Variants in ZNF699 observed in about 807,000 individuals in gnomAD.
ZNF699 encodes zinc finger protein 699, also known as hangover homolog.
Under a neutral mutation model 22.5 loss-of-function variants are expected in ZNF699, and 18 were observed. That is an observed-to-expected ratio of 0.80 (90% CI 0.55 to 1.19). ZNF699 has a LOEUF of 1.19. ZNF699 is among the 50% of genes most tolerant of loss of function. ZNF699 has a pLI of 0.00. For synonymous variants in ZNF699, 241 were observed against 262.3 expected (o/e 0.92, Z 0.78); for missense variants, 670 against 763.4 (o/e 0.88, Z 1.44).
At chr19:9,305,901 A>G (rs1257093460) in intron 1 of ZNF699, among the ~76,000 whole-genome samples, 1 of 151,586 alleles carries the variant, frequency 6.6e-6, no homozygotes, top group Admixed American at 6.6e-5. Flanking sequence ...ACGGTGTTTC[A>G]CCGTGTTAGC....
At chr19:9,305,852 C>T (rs919988326) in intron 1 of ZNF699, among the ~76,000 whole-genome samples, 12 of 152,066 alleles carry the variant, frequency 7.9e-5, no homozygotes, top group African/African-American at 2.7e-4. Context: ...CAGGTGCACA[C>T]CACCATGCCT....
Position 9,295,323 on chromosome 19 carries a change from A to T in ZNF699, c.*152T>A. 1.0e-6 allele frequency: 1 copy of T among 954,620 alleles called. No individual in the cohort carries two copies. The highest frequency in any genetic ancestry group is 1.6e-6 in the Non-Finnish European group (1 of 644,256). 59.1% of individuals were successfully genotyped at this position (954,620 alleles called of 1,614,324 possible). ...ATAAAGGCTTTAGCACATGACTTAC[A>T]TACACAGGGTTTCTCTAAAGTGTCC... On this transcript the variant is annotated 3_prime_UTR_variant, in exon 6 of 6. Coordinates refer to ENST00000591998, the MANE Select transcript of ZNF699 (RefSeq NM_198535.3).
In ZNF699 at chr19:9,295,678, C is replaced by T. The variant is rs373539073; in HGVS notation, c.1726G>A (p.Val576Ile). The T allele has an allele frequency of 6.2e-7, 1 of 1,613,818 alleles. No homozygotes were observed. Among genetic ancestry groups the T allele is most frequent in the Non-Finnish European group, 8.5e-7 (1 of 1,180,000 alleles). ...TCTCCAGTGTGCATTCTTGCATGTA[C>T]AGTAAGGTATGAAGAATGACGAAAT... ...KAFRHSSYLT[V>I]HARMHTGEKP... Residue 576 changes from valine (V) to isoleucine (I), a missense_variant, in exon 6 of 6, where the codon GTA becomes ATA. Val to Ile is a conservative substitution (Grantham distance 29). Coordinates refer to ENST00000591998, the MANE Select transcript of ZNF699 (RefSeq NM_198535.3).
rs1401301045 is a variant in ZNF699, at chr19:9,292,711, A to G, written c.*2764T>C. 6.6e-6 allele frequency among the ~76,000 whole-genome samples: 1 copy of G among 152,036 alleles called. No individual in the cohort carries two copies. ...TATGTATATATAATATACATATTTT[A>G]TGTATATATGTAATATATGATACAT... On this transcript the variant is annotated 3_prime_UTR_variant, in exon 6 of 6. Transcript: ENST00000591998.
chr19:9,300,938 T>C (rs1210951164), intron 3 of ZNF699, among the ~76,000 whole-genome samples: 2 of 152,338 alleles, frequency 1.3e-5, no homozygotes, highest in South Asian at 4.1e-4. Flanking sequence ...ATGTAAATGA[T>C]GGACTCTGGG....
chr19:9,302,663 T>C (rs1447276966), intron 2 of ZNF699, among the ~76,000 whole-genome samples, 159 bp from the exon 3 acceptor site: 2 of 152,200 alleles, frequency 1.3e-5, no homozygotes, highest in Non-Finnish European at 2.9e-5. Flanking sequence ...AATCTCTCTC[T>C]CTTTCTATCC....
rs2066271208 is a variant in ZNF699, at chr19:9,293,142, A to AG, written c.*2332_*2333insC. Among the ~76,000 whole-genome samples the AG allele has an allele frequency of 1.3e-5, 2 of 151,704 alleles. No individual in the cohort carries two copies. Among genetic ancestry groups the AG allele is most frequent in the Non-Finnish European group, 1.5e-5 (1 of 67,982 alleles). ...AGAGTCCGTCTCAAAAAAAAAAAAAAAGAAAAGAAATCATAAATGGATGAA... is the reference window on the plus strand; with the variant it reads ...AGAGTCCGTCTCAAAAAAAAAAAAAAGAGAAAAGAAATCATAAATGGATGAA... On this transcript the variant is annotated 3_prime_UTR_variant, in exon 6 of 6. Coordinates refer to ENST00000591998, the MANE Select transcript of ZNF699 (RefSeq NM_198535.3).
rs761068949 is a variant in ZNF699 at position 9,296,465 on chromosome 19, C to A, written c.939G>T (p.Gly313=). ...GDKPYECKEC[G]KAFSCSSSLS... is the part of the protein sequence containing the mutation. ...GTGAGGAGGAACAACTGAAGGCCTT[C>A]CCACATTCCTTACATTCATAAGGCT... The change falls in exon 6 of 6, where the codon GGG becomes GGT. Residue 313 remains glycine, a synonymous_variant. Coordinates refer to ENST00000591998, the MANE Select transcript of ZNF699 (RefSeq NM_198535.3). 6.2e-7 allele frequency: 1 copy of A among 1,614,080 alleles called. No individual in the cohort carries two copies. Among genetic ancestry groups the A allele is most frequent in the South Asian group, 1.1e-5 (1 of 91,078 alleles).
intron 3 of ZNF699, among the ~76,000 whole-genome samples, chr19:9,301,960 T>C (rs1214873502): frequency 6.6e-6 from 1 of 151,394 alleles, no homozygotes; most frequent in African/African-American, 2.4e-5. Flanking sequence ...TGGAGTGCAA[T>C]GGAGCGATCT....
chr19:9,305,480 G>C (rs891056315), intron 1 of ZNF699, among the ~76,000 whole-genome samples: 4 of 152,130 alleles, frequency 2.6e-5, no homozygotes, highest in Non-Finnish European at 5.9e-5. Context: ...ATAACAAAAA[G>C]TATAAAATGT....
chr19:9,302,936 G>GGGAGGATTGCTTGAGCCACAAGGT (rs1260136023), intron 2 of ZNF699, among the ~76,000 whole-genome samples: 7 of 152,056 alleles, frequency 4.6e-5, no homozygotes, highest in Non-Finnish European at 1.0e-4. Flanking sequence ...TGAGGTGGGT[G>GGGAGGATTGCTTGAGCCACAAGGT]GGAGGATTGC....
At position 9,297,843 on chromosome 19, in the gene ZNF699, T is replaced by C. The variant is rs1568345355; in HGVS notation, c.286+37A>G. 2 of 1,509,690 alleles carry C rather than the reference T, an allele frequency of 1.3e-6. No homozygotes were observed. Among genetic ancestry groups the C allele is most frequent in the Middle Eastern group, 1.7e-4 (1 of 5,830 alleles). The allele number at this position is 1,509,690 out of a possible 1,614,324, so 93.5% of individuals were successfully genotyped here. A position where few individuals can be genotyped will look rare whatever the true frequency, so the allele number is the denominator to read the frequency against. On this transcript the variant is annotated intron_variant, in intron 4 of 5. Coordinates refer to ENST00000591998, the MANE Select transcript of ZNF699 (RefSeq NM_198535.3). This position sits in a 1 kb window ranked among gnomAD's most constrained non-coding sequence, Gnocchi z 4.3. ...TGTTTTTTACTTTAAGTTTATTTTT[T>C]CCCCCAACCAAAACAGTTTCTCCCA...
At chr19:9,299,452 T>C (rs1250903618) in intron 3 of ZNF699, among the ~76,000 whole-genome samples, 2 of 152,122 alleles carry the variant, frequency 1.3e-5, no homozygotes, top group African/African-American at 2.4e-5. Context: ...TTAATTTTTT[T>C]TTTAAGAGAC....
In ZNF699 at chr19:9,296,852, A is replaced by G. The variant is rs950583685; in HGVS notation, c.552T>C (p.Asp184=). The G allele has an allele frequency of 5.0e-6, 8 of 1,613,912 alleles. No individual in the cohort carries two copies. The highest frequency in any genetic ancestry group is 4.5e-5 in the East Asian group (2 of 44,896). Residue 184 remains aspartate, a synonymous_variant, in exon 6 of 6, where the codon GAT becomes GAC. Transcript: ENST00000591998. ...TTACTTCAGTATTTCTCTTGAGTGAATCAAGATTTGGAACTTGGCTGAAAG... is the reference window on the plus strand; with the variant it reads ...TTACTTCAGTATTTCTCTTGAGTGAGTCAAGATTTGGAACTTGGCTGAAAG... ...GQTFSQVPNL[D]SLKRNTEVKS...
At position 9,297,004 on chromosome 19, in the gene ZNF699, C is replaced by T. The variant is rs1287192674; in HGVS notation, c.471-71G>A. On this transcript the variant is annotated intron_variant, in intron 5 of 5. Transcript: ENST00000591998. The surrounding 1 kb of genome is among the most constrained non-coding windows in gnomAD (Gnocchi z 4.3). ...TTTCAGTGAATGTATATGTTTTCTGCCCTTCTGTCAAGTTTAAGCTGAAAG... is the reference window on the plus strand; with the variant it reads ...TTTCAGTGAATGTATATGTTTTCTGTCCTTCTGTCAAGTTTAAGCTGAAAG... 1 of 1,313,792 alleles carries T rather than the reference C, an allele frequency of 7.6e-7. No individual in the cohort carries two copies. Among genetic ancestry groups the T allele is most frequent in the African/African-American group, 1.5e-5 (1 of 66,962 alleles). 81.4% of individuals were successfully genotyped at this position (1,313,792 alleles called of 1,614,324 possible). A position where few individuals can be genotyped will look rare whatever the true frequency, so the allele number is the denominator to read the frequency against.
At chr19:9,298,420 C>T (rs1336174600) in intron 3 of ZNF699, among the ~76,000 whole-genome samples, 7 of 146,544 alleles carry the variant, frequency 4.8e-5, no homozygotes, top group South Asian at 2.2e-4. Flanking sequence ...CACTCCCGCC[C>T]GGGCGACAGA....
At position 9,296,347 on chromosome 19, in the gene ZNF699, G is replaced by A. The variant is rs753197421; in HGVS notation, c.1057C>T (p.His353Tyr). The A allele has an allele frequency of 1.2e-6, 2 of 1,613,816 alleles. No individual in the cohort carries two copies. Among genetic ancestry groups the A allele is most frequent in the Non-Finnish European group, 1.7e-6 (2 of 1,179,924 alleles). ...TTCTCTCCAGTGTGAATTCTTATAT[G>A]TATTATAAGGTGAGAGGAAGAGCTA... ...AFSSSSHLII[H>Y]IRIHTGEKPY... Residue 353 changes from histidine to tyrosine, a missense_variant, in exon 6 of 6, where the codon CAT (histidine) becomes TAT (tyrosine). Coordinates refer to ENST00000591998, the MANE Select transcript of ZNF699 (RefSeq NM_198535.3).
chr19:9,297,747 T>C lies in ZNF699; in HGVS notation c.286+133A>G, dbSNP rs2066292280. ...AACAAGGAAAATGCGAGAGGACTGA[T>C]AAAAAGTCAAAATAGTCATCTGAGC... On this transcript the variant is annotated intron_variant, in intron 4 of 5. Coordinates refer to ENST00000591998, the MANE Select transcript of ZNF699 (RefSeq NM_198535.3). This position sits in a 1 kb window ranked among gnomAD's most constrained non-coding sequence, Gnocchi z 4.3. The C allele has an allele frequency of 1.1e-5, 8 of 701,612 alleles. No homozygotes were observed. The highest frequency in any genetic ancestry group is 1.9e-5 in the Non-Finnish European group (8 of 419,526). The allele number at this position is 701,612 out of a possible 1,614,324, so 43.5% of individuals were successfully genotyped here.
chr19:9,308,490 G>GA lies in ZNF699; in HGVS notation c.-6+859dup, dbSNP rs200115432. Among the ~76,000 whole-genome samples, 426 of 151,600 alleles carry GA rather than the reference G, an allele frequency of 2.8e-3. 3 individuals are homozygous for GA. The highest frequency in any genetic ancestry group is 9.7e-3 in the African/African-American group (402 of 41,332). ...AACCTGATTACACCCAGTAATTAAA[G>GA]AAAAAAAAATCAGCGGTTTAAAACA... On this transcript the variant is annotated intron_variant, in intron 1 of 5. Coordinates refer to ENST00000591998, the MANE Select transcript of ZNF699 (RefSeq NM_198535.3).
Sources: allele counts gnomAD v4.1 joint callset (sites outside exome capture counted in the v4.1 genomes callset), GRCh38; gene constraint gnomAD v4.1.1; non-coding constraint Gnocchi (gnomAD v3.1); transcripts MANE v1.5; gene names NCBI Gene and HGNC (gene_info 2026-07-23, HGNC 2026-07-21).